CERS3: variants seen among roughly 807,000 people sequenced by gnomAD.
CERS3 encodes ceramide synthase 3.
A neutral mutation model predicts 50.3 loss-of-function variants in CERS3; 33 were observed. That is an observed-to-expected ratio of 0.66 (90% CI 0.50 to 0.88). The LOEUF is 0.88. Ranked by LOEUF, CERS3 falls within the 40% of genes least tolerant of loss-of-function variation. The probability of loss-of-function intolerance (pLI) is 0.00; values close to 1 mark genes in which losing one functional copy is unlikely to be tolerated. For synonymous variants in CERS3, 176 were observed against 155.2 expected, an observed-to-expected ratio of 1.13 and a Z score of -0.99; for missense variants, 470 against 460.3, an observed-to-expected ratio of 1.02 and a Z score of -0.19.
chr15:100,417,389 C>T (rs12904727), intron 11 of CERS3, among the ~76,000 whole-genome samples: 85,446 of 151,322 alleles, frequency 0.56, 24,461 homozygotes, highest in Non-Finnish European at 0.6. Context: ...TAAAAAATGG[C>T]GCACCACGAG....
chr15:100,450,517 GA>G (rs1460381261), intron 11 of CERS3, among the ~76,000 whole-genome samples: 5 of 148,228 alleles, frequency 3.4e-5, no homozygotes, highest in Admixed American at 2.7e-4. Context: ...TAAAAATAAA[GA>G]AAAAAATGAA....
intron 11 of CERS3, among the ~76,000 whole-genome samples, chr15:100,416,196 G>T (rs1268981848): frequency 1.3e-5 from 2 of 152,122 alleles, no homozygotes; most frequent in Non-Finnish European, 2.9e-5. Context: ...TAAGCAAAAT[G>T]AACAAAGCCA....
At chr15:100,500,782 T>G (rs1320787957) in intron 3 of CERS3, among the ~76,000 whole-genome samples, 1 of 152,200 alleles carries the variant, frequency 6.6e-6, no homozygotes, top group Non-Finnish European at 1.5e-5. Context: ...GTACAAAAAC[T>G]TTTTCAAGAG....
At chr15:100,532,695 G>T (rs2036967491), upstream of CERS3, among the ~76,000 whole-genome samples, 1 of 152,154 alleles carries the variant, frequency 6.6e-6, no homozygotes, top group South Asian at 2.1e-4. Flanking sequence ...GGAAGTCAAG[G>T]TTGCAGTGAG....
upstream of CERS3, among the ~76,000 whole-genome samples, chr15:100,531,143 CTTTG>C (rs1191952523): frequency 6.6e-6 from 1 of 152,140 alleles, no homozygotes; most frequent in African/African-American, 2.4e-5. Flanking sequence ...TGTTTTCATG[CTTTG>C]TTTTAGTTAC....
intron 10 of CERS3, among the ~76,000 whole-genome samples, chr15:100,462,050 G>A (rs2654583): frequency 0.25 from 38,395 of 152,076 alleles, 5,369 homozygotes; most frequent in East Asian, 0.4. Context: ...ATGTGTGCAG[G>A]CACATGCATA....
intron 11 of CERS3, among the ~76,000 whole-genome samples, chr15:100,433,699 G>T: frequency 6.6e-6 from 1 of 152,216 alleles, no homozygotes; most frequent in East Asian, 1.9e-4. Context: ...ATCCTCCTGT[G>T]TATGCATGCC....
chr15:100,465,594 T>A (rs905715594), intron 10 of CERS3, among the ~76,000 whole-genome samples: 1 of 151,988 alleles, frequency 6.6e-6, no homozygotes, highest in Non-Finnish European at 1.5e-5. Flanking sequence ...TTCCAAACAA[T>A]GAGAATCAGT....
At chr15:100,448,854 G>T (rs2034045919) in intron 11 of CERS3, among the ~76,000 whole-genome samples, 1 of 152,206 alleles carries the variant, frequency 6.6e-6, no homozygotes, top group Admixed American at 6.5e-5. Flanking sequence ...GCCACTGGCA[G>T]TGACCCCACT....
chr15:100,469,499 G>C lies in CERS3; in HGVS notation c.739-15C>G, dbSNP rs760569562. 1 of 1,533,464 alleles carries C rather than the reference G, an allele frequency of 6.5e-7. No homozygotes were observed. The highest frequency in any genetic ancestry group is 9.0e-7 in the Non-Finnish European group (1 of 1,111,766). The allele number at this position is 1,533,464 out of a possible 1,614,324, so 95.0% of individuals were successfully genotyped here. ...ATCTTAGCAGACTGCAAAAAAGAAA[G>C]AAACTGCAGATAAAGTGACAATAGC... On this transcript the variant is annotated splice_polypyrimidine_tract_variant and intron_variant, in intron 9 of 11. Coordinates refer to ENST00000679737, the MANE Select transcript of CERS3 (RefSeq NM_001378789.1).
chr15:100,498,214 G>A (rs1388131841), intron 3 of CERS3, among the ~76,000 whole-genome samples: 1 of 152,112 alleles, frequency 6.6e-6, no homozygotes, highest in Non-Finnish European at 1.5e-5. Context: ...ATTGTTAACA[G>A]AACAGAGTAT....
chr15:100,507,143 G>A lies in CERS3; in HGVS notation c.-1-5293C>T, dbSNP rs190033591. On this transcript the variant is annotated intron_variant, in intron 2 of 11. Coordinates refer to ENST00000679737, the MANE Select transcript of CERS3 (RefSeq NM_001378789.1). ...CACGAACCCCGAAAAATAAATAAAA[G>A]AAATAAAGACTATAACCAGGTTCAG... Among the ~76,000 whole-genome samples, 20 of 152,158 alleles carry A rather than the reference G, an allele frequency of 1.3e-4. No homozygotes were observed. In the East Asian group the frequency reaches 3.5e-3, roughly 26 times the overall value.
intron 11 of CERS3, among the ~76,000 whole-genome samples, chr15:100,453,421 G>A (rs546721493): frequency 2.6e-5 from 4 of 152,118 alleles, no homozygotes; most frequent in Non-Finnish European, 5.9e-5. Flanking sequence ...CTCAATAGAC[G>A]CAGAAAAAGC....
intron 8 of CERS3, chr15:100,475,874 G>C (rs1463946250): frequency 1.8e-5 from 5 of 284,338 alleles, no homozygotes; most frequent in Non-Finnish European, 3.3e-5. Flanking sequence ...GAGCTTCAAA[G>C]TTAAAGTTTT....
intron 3 of CERS3, among the ~76,000 whole-genome samples, chr15:100,495,697 T>C (rs1604703): frequency 0.018 from 2,724 of 152,316 alleles, 84 homozygotes; most frequent in African/African-American, 0.062. Flanking sequence ...ATCAGATATA[T>C]GTTTTACATA....
intron 2 of CERS3, among the ~76,000 whole-genome samples, chr15:100,502,267 A>AAAAAAAGAAAAAAAAAAAAAAAAAAAG (rs2036033219): frequency 9.2e-6 from 1 of 109,260 alleles, no homozygotes; most frequent in Non-Finnish European, 1.8e-5. Context: ...AAAAAAAAAA[A>AAAAAAAGAAAAAAAAAAAAAAAAAAAG]AAAGAAAGAA....
chr15:100,480,634 C>G (rs552684278), intron 5 of CERS3, among the ~76,000 whole-genome samples: 18 of 152,052 alleles, frequency 1.2e-4, no homozygotes, highest in African/African-American at 4.1e-4. Flanking sequence ...TGATTCAAAT[C>G]AAGAAATTGT....
chr15:100,495,061 C>G (rs2035769565), intron 3 of CERS3, among the ~76,000 whole-genome samples: 1 of 152,190 alleles, frequency 6.6e-6, no homozygotes, highest in Non-Finnish European at 1.5e-5. Context: ...AAGGCTTTTT[C>G]ACTGGGTGAG....
intron 4 of CERS3, among the ~76,000 whole-genome samples, chr15:100,488,121 G>C (rs1407357585): frequency 6.6e-6 from 1 of 152,146 alleles, no homozygotes; most frequent in African/African-American, 2.4e-5. Context: ...ACAATCATAA[G>C]AGAACTGTGC....
Sources: gnomAD v4.1 joint callset for allele counts (sites outside exome capture counted in the v4.1 genomes callset) on GRCh38, gnomAD v4.1.1 for gene constraint, MANE v1.5 for transcripts, NCBI Gene and HGNC (gene_info 2026-07-23, HGNC 2026-07-21) for gene names.